EDIL3: variants seen among roughly 807,000 people sequenced by gnomAD.
The protein encoded by EDIL3 is EGF like and discoidin domains 3.
Under a neutral mutation model 67.4 loss-of-function variants are expected in EDIL3, and 37 were observed. The observed-to-expected ratio is 0.55, with a 90% confidence interval of 0.42 to 0.72. EDIL3 has a LOEUF of 0.72. EDIL3 is among the 30% of genes least tolerant of loss of function. The pLI is 0.00. For synonymous variants in EDIL3, 195 were observed against 196.3 expected (o/e 0.99, Z 0.05); for missense variants, 527 against 586.3 (o/e 0.90, Z 1.04).
At chr5:84,277,567 G>A (rs1458680458) in intron 1 of EDIL3, among the ~76,000 whole-genome samples, 1 of 152,096 alleles carries the variant, frequency 6.6e-6, no homozygotes, top group African/African-American at 2.4e-5. Flanking sequence ...ATCAGTATTT[G>A]AAATATACTG....
intron 2 of EDIL3, among the ~76,000 whole-genome samples, chr5:84,251,623 G>T (rs1302082818): frequency 6.6e-6 from 1 of 152,082 alleles, no homozygotes; most frequent in Non-Finnish European, 1.5e-5. Flanking sequence ...GCAGTAGAAA[G>T]GCAATAGGGT....
At chr5:84,020,076 C>CCAAAA (rs1745684765) in intron 9 of EDIL3, among the ~76,000 whole-genome samples, 1 of 128,326 alleles carries the variant, frequency 7.8e-6, no homozygotes, top group Non-Finnish European at 1.6e-5. Context: ...ATCTTTTGTA[C>CCAAAA]AAAAAAAAAA....
intron 5 of EDIL3, among the ~76,000 whole-genome samples, chr5:84,117,314 G>A (rs1313494909): frequency 6.6e-6 from 1 of 152,066 alleles, no homozygotes; most frequent in Non-Finnish European, 1.5e-5. Context: ...ACAAGCGTGA[G>A]CCACCGCGCC....
intron 1 of EDIL3, among the ~76,000 whole-genome samples, chr5:84,345,891 T>C (rs915332806): frequency 6.6e-6 from 1 of 152,064 alleles, no homozygotes; most frequent in Non-Finnish European, 1.5e-5. Flanking sequence ...ATAAAACATA[T>C]GGGAGACTCT....
chr5:84,373,110 T>C (rs1472566136), intron 1 of EDIL3, among the ~76,000 whole-genome samples: 1 of 152,138 alleles, frequency 6.6e-6, no homozygotes, highest in East Asian at 1.9e-4. Context: ...CGCCCAGTTT[T>C]AATTTCATGT....
chr5:84,283,058 G>A (rs953193035), intron 1 of EDIL3, among the ~76,000 whole-genome samples: 3 of 151,152 alleles, frequency 2.0e-5, no homozygotes, highest in East Asian at 1.9e-4. Context: ...TTTAACCAAC[G>A]TTACTGTGAA....
chr5:84,257,942 A>T (rs576601970), intron 1 of EDIL3, among the ~76,000 whole-genome samples: 1 of 152,286 alleles, frequency 6.6e-6, no homozygotes, highest in East Asian at 1.9e-4. Context: ...TGCTTGGCCC[A>T]TTGTAGCCCG....
intron 9 of EDIL3, among the ~76,000 whole-genome samples, chr5:84,049,938 G>A (rs898338546): frequency 1.2e-4 from 18 of 152,006 alleles, no homozygotes; most frequent in East Asian, 1.9e-4. Context: ...GGTGGCTCAC[G>A]CCTGTAATCC....
At chr5:83,982,106 CAT>C (rs1004547615) in intron 9 of EDIL3, among the ~76,000 whole-genome samples, 1 of 152,022 alleles carries the variant, frequency 6.6e-6, no homozygotes, top group African/African-American at 2.4e-5. Context: ...AAATCTAACA[CAT>C]GTGATTTAAA....
intron 5 of EDIL3, among the ~76,000 whole-genome samples, chr5:84,132,248 G>GAA (rs201196882): frequency 0.016 from 1,971 of 120,494 alleles, 70 homozygotes; most frequent in African/African-American, 0.061. Context: ...TAAAAAAAAA[G>GAA]AAAAAATATA....
At chr5:84,056,290 G>A (rs971964420) in intron 9 of EDIL3, among the ~76,000 whole-genome samples, 1 of 151,728 alleles carries the variant, frequency 6.6e-6, no homozygotes, top group African/African-American at 2.4e-5. Flanking sequence ...TTGGACACAG[G>A]AAGGGGTACA....
intron 1 of EDIL3, among the ~76,000 whole-genome samples, chr5:84,383,513 A>T (rs149910338): frequency 2.6e-5 from 4 of 152,288 alleles, no homozygotes; most frequent in Non-Finnish European, 5.9e-5. Flanking sequence ...CAATTCACAG[A>T]AGGCATCACC....
At chr5:84,090,137 C>T (rs1747138405) in intron 6 of EDIL3, among the ~76,000 whole-genome samples, 1 of 152,140 alleles carries the variant, frequency 6.6e-6, no homozygotes, top group Non-Finnish European at 1.5e-5. Flanking sequence ...CCCTTGGAAA[C>T]AATTAAGCAT....
intron 6 of EDIL3, among the ~76,000 whole-genome samples, chr5:84,076,970 A>C (rs1051514673): frequency 6.6e-6 from 1 of 152,214 alleles, no homozygotes; most frequent in Non-Finnish European, 1.5e-5. Context: ...TTTATGCATA[A>C]ACCCCTTTTC....
At chr5:83,972,245 G>A (rs957000321) in intron 9 of EDIL3, among the ~76,000 whole-genome samples, 4 of 152,098 alleles carry the variant, frequency 2.6e-5, no homozygotes, top group African/African-American at 9.7e-5. Context: ...GGGAATGGTG[G>A]GGTGTTAGGA....
chr5:84,128,117 G>A lies in EDIL3; in HGVS notation c.469+9124C>T, dbSNP rs552971095. ...CATTACTTCCAAGTGTGCTGATTCA[G>A]TTGAAAACTGCGGCTAGGGTCACAC... On this transcript the variant is annotated intron_variant, in intron 5 of 10. Transcript: ENST00000296591. Among the ~76,000 whole-genome samples the A allele has an allele frequency of 4.9e-4, 74 of 152,174 alleles. No individual in the cohort carries two copies. In the South Asian group the frequency reaches 0.015, roughly 30 times the overall value.
chr5:84,173,382 G>A (rs982960681), intron 4 of EDIL3, among the ~76,000 whole-genome samples: 2 of 152,118 alleles, frequency 1.3e-5, no homozygotes, highest in Non-Finnish European at 1.5e-5. Context: ...ACTACAAAGA[G>A]GTGCCAGACA....
At chr5:84,011,713 A>T (rs560242622) in intron 9 of EDIL3, among the ~76,000 whole-genome samples, 47 of 152,138 alleles carry the variant, frequency 3.1e-4, no homozygotes, top group South Asian at 2.5e-3. Flanking sequence ...TCTCTAATAC[A>T]CTAAGCTTAT....
chr5:84,081,652 C>T (rs995169842), intron 6 of EDIL3, among the ~76,000 whole-genome samples: 3 of 152,056 alleles, frequency 2.0e-5, no homozygotes, highest in African/African-American at 7.2e-5. Flanking sequence ...TCTTACATTT[C>T]TATAGGTGGC....
Sources: gnomAD v4.1 joint callset for allele counts (sites outside exome capture counted in the v4.1 genomes callset) on GRCh38, gnomAD v4.1.1 for gene constraint, MANE v1.5 for transcripts, NCBI Gene and HGNC (gene_info 2026-07-23, HGNC 2026-07-21) for gene names.